The following PCDH15 variants were observed in gnomAD, a reference collection of about 807,000 sequenced individuals.
PCDH15 encodes protocadherin related 15, also known as protocadherin-15.
PCDH15 carries 129 observed loss-of-function variants against 178.5 expected under a neutral mutation model. The ratio of observed to expected loss-of-function variants is 0.72; its 90% CI spans 0.63 to 0.84. The LOEUF (loss-of-function observed/expected upper bound fraction) is 0.84. Ranked by LOEUF, PCDH15 falls within the 40% of genes least tolerant of loss-of-function variation. The pLI is 0.00. For missense variants in PCDH15, 2,230 were observed against 2,099.9 expected, an observed-to-expected ratio of 1.06 and a Z score of -1.21; for synonymous variants, 800 against 732.0, an observed-to-expected ratio of 1.09 and a Z score of -1.50.
At chr10:53,838,525 T>C (rs1355728351) in intron 29 of PCDH15, among the ~76,000 whole-genome samples, 3 of 152,136 alleles carry the variant, frequency 2.0e-5, no homozygotes, top group Non-Finnish European at 2.9e-5. Context: ...CACCATTATT[T>C]TACTCTTTAA....
At chr10:55,212,921 G>T (rs1840606525) in intron 1 of PCDH15, among the ~76,000 whole-genome samples, 1 of 151,984 alleles carries the variant, frequency 6.6e-6, no homozygotes, top group South Asian at 2.1e-4. Context: ...ATTATTCAGG[G>T]AATAGTTTTT....
At chr10:54,531,682 C>T (rs2083941651) in intron 2 of PCDH15, among the ~76,000 whole-genome samples, 1 of 152,160 alleles carries the variant, frequency 6.6e-6, no homozygotes, top group Non-Finnish European at 1.5e-5. Flanking sequence ...GACTTCAAAA[C>T]TATTTACTTT....
chr10:55,130,623 C>A (rs1207856555), intron 2 of PCDH15, among the ~76,000 whole-genome samples: 1 of 151,662 alleles, frequency 6.6e-6, no homozygotes, highest in South Asian at 2.1e-4. Context: ...AAGTAACAAA[C>A]CCTTTGTTTG....
At chr10:54,541,577 C>T (rs2132979262) in intron 2 of PCDH15, among the ~76,000 whole-genome samples, 1 of 152,116 alleles carries the variant, frequency 6.6e-6, no homozygotes, top group African/African-American at 2.4e-5. Flanking sequence ...AAAATCTTTC[C>T]AAAAGAACTT....
chr10:54,735,052 A>G (rs1241822171), intron 1 of PCDH15, among the ~76,000 whole-genome samples: 1 of 152,058 alleles, frequency 6.6e-6, no homozygotes, highest in Non-Finnish European at 1.5e-5. Flanking sequence ...TCAACTTATT[A>G]TATGAAAACT....
intron 2 of PCDH15, among the ~76,000 whole-genome samples, chr10:54,595,119 A>G (rs1474356708): frequency 6.6e-6 from 1 of 152,172 alleles, no homozygotes; most frequent in African/African-American, 2.4e-5. Flanking sequence ...TTCCATGTGG[A>G]TGGAGGATGC....
At chr10:55,227,353 A>T (rs892465179) in intron 1 of PCDH15, among the ~76,000 whole-genome samples, 1 of 152,110 alleles carries the variant, frequency 6.6e-6, no homozygotes, top group Non-Finnish European at 1.5e-5. Flanking sequence ...CTCAAAAACT[A>T]TTCGAAGATC....
In PCDH15 at chr10:54,235,108, T is replaced by C. The variant is rs199842360; in HGVS notation, c.985+1715A>G. Among the ~76,000 whole-genome samples the C allele has an allele frequency of 1.8e-4, 27 of 152,326 alleles. No homozygotes were observed. In the East Asian group the frequency reaches 5.2e-3, roughly 29 times the overall value. ...AACTTCCTCAGCTTCTGTAAGCCTT[T>C]GCTAACAGCTTACCTTTTGATGACA... On this transcript the variant is annotated intron_variant, in intron 9 of 37. Transcript: ENST00000644397.
At chr10:55,001,900 C>G (rs1018081116) in intron 2 of PCDH15, among the ~76,000 whole-genome samples, 1 of 152,162 alleles carries the variant, frequency 6.6e-6, no homozygotes, top group African/African-American at 2.4e-5. Context: ...TTGTATTTAG[C>G]ATTATTAAAA....
At chr10:55,283,527 T>C (rs567885279) in intron 1 of PCDH15, among the ~76,000 whole-genome samples, 2 of 151,990 alleles carry the variant, frequency 1.3e-5, no homozygotes, top group Admixed American at 6.6e-5. Context: ...GAAAACCCAC[T>C]GGGCAGTTAC....
At chr10:55,192,898 T>C (rs1193966589) in intron 1 of PCDH15, among the ~76,000 whole-genome samples, 2 of 151,510 alleles carry the variant, frequency 1.3e-5, no homozygotes, top group Non-Finnish European at 3.0e-5. Context: ...ATCTGTTTAT[T>C]GTAACATGTG....
Position 54,642,133 on chromosome 10 carries a change from T to A in PCDH15, c.91+22039A>T, listed in dbSNP as rs78467853. Among the ~76,000 whole-genome samples the A allele has an allele frequency of 2.5e-3, 382 of 152,082 alleles. 3 individuals are homozygous for A. In the East Asian group the frequency reaches 0.028, roughly 11 times the overall value. ...TTAGGTCATGAGACCACAGCCCTTA[T>A]GAGTGGGATTAATGCCTTATAAGAG... On this transcript the variant is annotated intron_variant, in intron 2 of 37. Transcript: ENST00000644397.
chr10:55,219,051 T>A (rs1840793031), intron 1 of PCDH15, among the ~76,000 whole-genome samples: 1 of 152,000 alleles, frequency 6.6e-6, no homozygotes. Flanking sequence ...GTGACTTTGT[T>A]TTAATAATCT....
intron 8 of PCDH15, among the ~76,000 whole-genome samples, chr10:54,297,183 A>G (rs1284564161): frequency 1.3e-5 from 2 of 152,106 alleles, no homozygotes; most frequent in Non-Finnish European, 2.9e-5. Flanking sequence ...GAAACAAACA[A>G]AACAAAACCG....
At chr10:54,679,722 C>A (rs970927915) in intron 1 of PCDH15, among the ~76,000 whole-genome samples, 2 of 152,094 alleles carry the variant, frequency 1.3e-5, no homozygotes, top group African/African-American at 4.8e-5. Flanking sequence ...AATGAACATA[C>A]TTAGTCTAAT....
At chr10:53,928,280 G>A (rs762030851) in intron 25 of PCDH15, among the ~76,000 whole-genome samples, 37 of 151,574 alleles carry the variant, frequency 2.4e-4, no homozygotes, top group Non-Finnish European at 5.0e-4. Context: ...TCTTTCGATA[G>A]TCAACCAGTA....
At chr10:55,303,669 C>A (rs1830187485) in intron 1 of PCDH15, among the ~76,000 whole-genome samples, 1 of 152,138 alleles carries the variant, frequency 6.6e-6, no homozygotes, top group South Asian at 2.1e-4. Context: ...AGGTGTATTT[C>A]ATCTAAGTTG....
chr10:55,059,356 C>A (rs1414330386), intron 2 of PCDH15, among the ~76,000 whole-genome samples: 1 of 152,116 alleles, frequency 6.6e-6, no homozygotes, highest in Non-Finnish European at 1.5e-5. Flanking sequence ...ATCCATATTT[C>A]ACTTTTCTAT....
chr10:54,234,773 A>G (rs1253077926), intron 9 of PCDH15, among the ~76,000 whole-genome samples: 1 of 152,108 alleles, frequency 6.6e-6, no homozygotes, highest in African/African-American at 2.4e-5. Flanking sequence ...TAATTGTAAG[A>G]GTTTATATCT....
Sources: gnomAD v4.1 joint callset for allele counts (sites outside exome capture counted in the v4.1 genomes callset) on GRCh38, gnomAD v4.1.1 for gene constraint, MANE v1.5 for transcripts, NCBI Gene and HGNC (gene_info 2026-07-23, HGNC 2026-07-21) for gene names.